Variants in MED12L observed in about 807,000 individuals in gnomAD.
The protein encoded by MED12L is mediator of RNA polymerase II transcription subunit 12-like protein.
A neutral mutation model predicts 281.3 loss-of-function variants in MED12L; 60 were observed. That is an observed-to-expected ratio of 0.21 (90% confidence interval 0.17 to 0.26). MED12L has a LOEUF of 0.26. Ranked by LOEUF, MED12L falls within the 10% of genes least tolerant of loss-of-function variation. The pLI, the probability that MED12L is intolerant of heterozygous loss-of-function variation, is 1.00. For missense variants in MED12L, 2,146 were observed against 2,680.9 expected (o/e 0.80, Z 4.41); for synonymous variants, 974 against 987.2 (o/e 0.99, Z 0.25).
rs1211588015 is a variant in MED12L at position 151,142,817 on chromosome 3, C to CT, written c.557-13331dup. Among the ~76,000 whole-genome samples the CT allele has an allele frequency of 3.9e-3, 551 of 140,094 alleles. 4 individuals carry two copies. Among genetic ancestry groups the CT allele is most frequent in the African/African-American group, 9.8e-3 (375 of 38,256 alleles). The allele number at this position is 140,094 out of a possible 152,430, so 91.9% of individuals were successfully genotyped here. ...TGTTAATTCCATGATAAATAGAAAG[C>CT]TTTTTTTTTTTTTAATTAAAAAGAA... On this transcript the variant is annotated intron_variant, in intron 5 of 44. Coordinates refer to ENST00000687756, the MANE Select transcript of MED12L (RefSeq NM_001393769.1).
chr3:151,329,516 T>C (rs199907771), intron 16 of MED12L: 39 of 1,548,402 alleles, frequency 2.5e-5, no homozygotes, highest in Middle Eastern at 1.7e-4. Context: ...TGTCTTCTTA[T>C]GGCGGCAGTC....
chr3:151,102,407 C>A (rs1721495588), intron 2 of MED12L, among the ~76,000 whole-genome samples: 1 of 152,098 alleles, frequency 6.6e-6, no homozygotes, highest in African/African-American at 2.4e-5. Context: ...GTTTCCTTGA[C>A]TCAAAATTAT....
chr3:151,304,185 T>C (rs529623058), intron 16 of MED12L, among the ~76,000 whole-genome samples: 3 of 152,114 alleles, frequency 2.0e-5, no homozygotes, highest in Non-Finnish European at 4.4e-5. Context: ...AAAAAGAACA[T>C]GCCTGTGACA....
intron 43 of MED12L, among the ~76,000 whole-genome samples, chr3:151,416,831 A>G (rs1448447761): frequency 6.6e-6 from 1 of 152,204 alleles, no homozygotes; most frequent in African/African-American, 2.4e-5. Context: ...ATTATCTTCA[A>G]TAAGAAATTG....
At chr3:151,410,577 G>A (rs1013194867) in intron 40 of MED12L, among the ~76,000 whole-genome samples, 1 of 152,148 alleles carries the variant, frequency 6.6e-6, no homozygotes, top group African/African-American at 2.4e-5. Flanking sequence ...AGAACTTCAG[G>A]TTTCTCTTTT....
chr3:151,418,068 C>T (rs779579944), intron 43 of MED12L, among the ~76,000 whole-genome samples: 1 of 152,128 alleles, frequency 6.6e-6, no homozygotes, highest in Non-Finnish European at 1.5e-5. Flanking sequence ...TTTCAAATGA[C>T]AGAAAATTTG....
At chr3:151,257,410 A>C (rs899593795) in intron 16 of MED12L, among the ~76,000 whole-genome samples, 13 of 152,254 alleles carry the variant, frequency 8.5e-5, no homozygotes, top group Non-Finnish European at 1.8e-4. Flanking sequence ...TGTCTCCAGA[A>C]TAGATTGCCT....
intron 16 of MED12L, among the ~76,000 whole-genome samples, chr3:151,261,838 C>T (rs1409569447): frequency 6.6e-6 from 1 of 152,110 alleles, no homozygotes; most frequent in Admixed American, 6.5e-5. Flanking sequence ...CATTCTTGTG[C>T]CTCAGCCTCC....
intron 16 of MED12L, among the ~76,000 whole-genome samples, chr3:151,331,376 T>C (rs970271208): frequency 6.6e-6 from 1 of 152,214 alleles, no homozygotes; most frequent in Non-Finnish European, 1.5e-5. Flanking sequence ...TTCCAATTCT[T>C]TCTTTTCTTA....
chr3:151,426,092 C>T (rs1433213194), intron 43 of MED12L, among the ~76,000 whole-genome samples: 1 of 152,232 alleles, frequency 6.6e-6, no homozygotes, highest in Admixed American at 6.5e-5. Context: ...GTAAACCTTA[C>T]TGAACCTATT....
chr3:151,154,007 C>G (rs1254093335), intron 5 of MED12L, among the ~76,000 whole-genome samples: 1 of 152,148 alleles, frequency 6.6e-6, no homozygotes, highest in Non-Finnish European at 1.5e-5. Flanking sequence ...GGGCTGAGAG[C>G]TGAGTTGAAA....
chr3:151,207,971 T>A (rs1042254740), intron 16 of MED12L, among the ~76,000 whole-genome samples: 1 of 152,232 alleles, frequency 6.6e-6, no homozygotes, highest in Non-Finnish European at 1.5e-5. Context: ...TTTATTTTAT[T>A]CTTTTTCATT....
In MED12L at chr3:151,308,959, A is replaced by G. The variant is rs112313805; in HGVS notation, c.2251-41100A>G. ...TTCACTGACAATTTTAAAATTCTCA[A>G]GTGAAGTCTTTAATATGAGTGGATA... is the stretch of plus-strand genomic sequence containing the variant. On this transcript the variant is annotated intron_variant, in intron 16 of 44. Transcript: ENST00000687756. 6.8e-3 allele frequency among the ~76,000 whole-genome samples: 1,034 copies of G among 152,302 alleles called. 9 individuals are homozygous for G. Among genetic ancestry groups the G allele is most frequent in the South Asian group, 0.024 (115 of 4,832 alleles).
At chr3:151,141,178 G>GTTTGTTTGTT (rs1553808456) in intron 5 of MED12L, among the ~76,000 whole-genome samples, 12 of 102,190 alleles carry the variant, frequency 1.2e-4, no homozygotes, top group African/African-American at 4.7e-4. Flanking sequence ...TTTTTTTTTT[G>GTTTGTTTGTT]TTTTTTTTGT....
chr3:151,177,115 T>G (rs1254793445), intron 11 of MED12L, among the ~76,000 whole-genome samples: 2 of 152,136 alleles, frequency 1.3e-5, no homozygotes, highest in East Asian at 3.9e-4. Flanking sequence ...ACTCCTGTGG[T>G]TTTATTTTCT....
At chr3:151,247,720 C>T (rs539630855) in intron 16 of MED12L, among the ~76,000 whole-genome samples, 1 of 148,072 alleles carries the variant, frequency 6.8e-6, no homozygotes, top group African/African-American at 2.5e-5. Flanking sequence ...ATGTAACTAA[C>T]CTGCACAATG....
chr3:151,299,409 TCCCCTCCCCTCCCCC>T (rs1745591201), intron 16 of MED12L, among the ~76,000 whole-genome samples: 6 of 124,486 alleles, frequency 4.8e-5, no homozygotes, highest in Middle Eastern at 3.7e-3. Context: ...TCCCCTCCCC[TCCCCTCCCCTCCCCC>T]TCCTCTCCTC....
chr3:151,355,910 G>T lies in MED12L; in HGVS notation c.2532G>T (p.Val844=), dbSNP rs759632092. ...HQVTSQISNN[V]LEQITSFASG... ...TATTTGCACAGATTTCTAACAATGT[G>T]CTAGAACAAATCACAAGCTTTGCGT... The change falls in exon 19 of 45, where the codon GTG becomes GTT. Residue 844 remains valine (V), a synonymous_variant. Transcript: ENST00000687756. 1.9e-6 allele frequency: 3 copies of T among 1,613,270 alleles called. No individual in the cohort carries two copies. Among genetic ancestry groups the T allele is most frequent in the South Asian group, 1.1e-5 (1 of 90,932 alleles).
chr3:151,160,119 G>T lies in MED12L; in HGVS notation c.1107+18G>T. 6.7e-7 allele frequency: 1 copy of T among 1,484,808 alleles called. No individual in the cohort carries two copies. Among genetic ancestry groups the T allele is most frequent in the South Asian group, 1.5e-5 (1 of 68,870 alleles). 92.0% of individuals were successfully genotyped at this position (1,484,808 alleles called of 1,614,324 possible). ...TGTTGCAGGTAAGTCCTTGGCCCTT[G>T]TTATTTTATGTTAAAATTCAATGTG... On this transcript the variant is annotated intron_variant, in intron 8 of 44. Coordinates refer to ENST00000687756, the MANE Select transcript of MED12L (RefSeq NM_001393769.1).
Sources: gnomAD v4.1 joint callset for allele counts (sites outside exome capture counted in the v4.1 genomes callset) on GRCh38, gnomAD v4.1.1 for gene constraint, MANE v1.5 for transcripts, NCBI Gene and HGNC (gene_info 2026-07-23, HGNC 2026-07-21) for gene names.